Variants in ZNF721 observed in about 807,000 individuals in gnomAD.
ZNF721 encodes the protein zinc finger protein 721.
In ZNF721, 2 loss-of-function variants were observed where a neutral mutation model predicts 2.4. The observed-to-expected ratio is 0.82, with a 90% confidence interval of 0.34 to 2.58. The LOEUF is 2.58. Among genes scored for constraint, ZNF721 ranks in the 30% most tolerant of loss-of-function variants. ZNF721 has a pLI of 0.11. For synonymous variants in ZNF721, 398 were observed against 381.8 expected (o/e 1.04, Z -0.50); for missense variants, 1,187 against 1,085.5 (o/e 1.09, Z -1.31).
At position 443,100 on chromosome 4, in the gene ZNF721, T is replaced by A. The variant is rs545232833; in HGVS notation, c.1367A>T (p.His456Leu). The A allele has an allele frequency of 6.2e-7, 1 of 1,613,940 alleles. No individual in the cohort carries two copies. Among genetic ancestry groups the A allele is most frequent in the Admixed American group, 1.7e-5 (1 of 60,018 alleles). ...KCKECGKAFI[H>L]SLHLNKHEKI... ...CTCATGTTTATTCAGGTGCAAGGAA[T>A]GTATAAAGGCTTTCCCACATTCTTT... is the stretch of plus-strand genomic sequence containing the variant. The change falls in exon 3 of 3, where the codon CAT becomes CTT. Residue 456 changes from histidine (H) to leucine (L), a missense_variant. Physicochemically the swap from His to Leu is moderately conservative, Grantham distance 99. Transcript: ENST00000511833.
chr4:480,143 A>C (rs1715736398), intron 1 of ZNF721, among the ~76,000 whole-genome samples: 1 of 152,182 alleles, frequency 6.6e-6, no homozygotes, highest in Admixed American at 6.6e-5. Flanking sequence ...TTCATCACCA[A>C]TCACATTATG....
At position 499,153 on chromosome 4, in the gene ZNF721, C is replaced by T. The variant is rs920844518; in HGVS notation, c.-191G>A. 6.5e-6 allele frequency: 4 copies of T among 616,830 alleles called. No individual in the cohort carries two copies. In the South Asian group the frequency reaches 8.8e-5, roughly 14 times the overall value. The allele number at this position is 616,830 out of a possible 1,614,324, so 38.2% of individuals were successfully genotyped here. On this transcript the variant is annotated 5_prime_UTR_variant, in exon 1 of 3. Transcript: ENST00000511833. ...TTCGTATGTCCGAGGTGACGCCCCG[C>T]TGTGGCGGGCTGGCGGAAGTGACGC... is the stretch of plus-strand genomic sequence containing the variant.
intron 1 of ZNF721, among the ~76,000 whole-genome samples, chr4:494,424 G>C (rs551046311): frequency 1.3e-5 from 2 of 152,006 alleles, no homozygotes; most frequent in South Asian, 4.2e-4. Flanking sequence ...CCGACCTCGT[G>C]ATCCACCCAC....
intron 2 of ZNF721, among the ~76,000 whole-genome samples, chr4:472,075 T>A (rs1715453779): frequency 6.6e-6 from 1 of 152,238 alleles, no homozygotes. Context: ...TTTTTTGGTT[T>A]TTTTGAGACG....
intron 1 of ZNF721, among the ~76,000 whole-genome samples, chr4:482,099 T>C (rs782784511): frequency 6.6e-6 from 1 of 152,206 alleles, no homozygotes; most frequent in Non-Finnish European, 1.5e-5. Context: ...TGTGAGACAT[T>C]GTTGATGAAA....
At chr4:482,350 AGAG>A (rs1715792033) in intron 1 of ZNF721, among the ~76,000 whole-genome samples, 1 of 152,094 alleles carries the variant, frequency 6.6e-6, no homozygotes, top group South Asian at 2.1e-4. Context: ...TTTTTAGTAG[AGAG>A]GAGGTTTCTC....
At chr4:483,936 C>T (rs1223547377) in intron 1 of ZNF721, among the ~76,000 whole-genome samples, 3 of 152,106 alleles carry the variant, frequency 2.0e-5, no homozygotes, top group Non-Finnish European at 4.4e-5. Context: ...CTCAGCCTCC[C>T]GAGTAGCTGG....
chr4:449,946 T>C (rs1013819469), intron 2 of ZNF721, among the ~76,000 whole-genome samples: 54 of 152,162 alleles, frequency 3.5e-4, no homozygotes, highest in African/African-American at 8.4e-4. Context: ...GTCGGTAAAA[T>C]TGTAAGTTAG....
At chr4:490,953 C>CAAA (rs782176446) in intron 1 of ZNF721, among the ~76,000 whole-genome samples, 1 of 119,472 alleles carries the variant, frequency 8.4e-6, no homozygotes, top group Admixed American at 8.8e-5. Context: ...GACTACATCT[C>CAAA]AAAAAAAAAA....
At chr4:449,283 G>A (rs573345053) in intron 2 of ZNF721, among the ~76,000 whole-genome samples, 12 of 152,098 alleles carry the variant, frequency 7.9e-5, no homozygotes, top group Non-Finnish European at 1.3e-4. Context: ...TTCAAATCAC[G>A]AAAGTGTTTC....
chr4:497,928 G>T (rs1278051054), intron 1 of ZNF721, among the ~76,000 whole-genome samples: 1 of 146,704 alleles, frequency 6.8e-6, no homozygotes, highest in African/African-American at 2.5e-5. Context: ...AAAACAGGCC[G>T]GGCGCGGTGG....
chr4:454,216 G>C (rs1714765789), intron 2 of ZNF721: 1 of 152,238 alleles, frequency 6.6e-6, no homozygotes, highest in African/African-American at 2.4e-5. Flanking sequence ...ACAATGGACA[G>C]AGAGATACAC....
intron 2 of ZNF721, among the ~76,000 whole-genome samples, chr4:458,340 G>C (rs976507567): frequency 3.3e-5 from 5 of 152,148 alleles, no homozygotes; most frequent in African/African-American, 1.2e-4. Flanking sequence ...ACCTGGATCT[G>C]AAACACTTTA....
At chr4:452,912 C>T (rs1027032441) in intron 2 of ZNF721, among the ~76,000 whole-genome samples, 3 of 152,156 alleles carry the variant, frequency 2.0e-5, no homozygotes, top group Non-Finnish European at 4.4e-5. Flanking sequence ...AAATGGTATA[C>T]ACAAGATAGG....
intron 1 of ZNF721, among the ~76,000 whole-genome samples, chr4:487,739 G>A (rs1203560412): frequency 6.6e-6 from 1 of 152,178 alleles, no homozygotes; most frequent in Admixed American, 6.5e-5. Context: ...ATAGGGTCTG[G>A]AGACAGGGAA....
Position 442,781 on chromosome 4 carries a change from A to C in ZNF721, c.1686T>G (p.Cys562Trp), listed in dbSNP as rs782781896. The C allele has an allele frequency of 4.3e-6, 7 of 1,614,056 alleles. No homozygotes were observed. The highest frequency in any genetic ancestry group is 5.9e-6 in the Non-Finnish European group (7 of 1,179,984). ...TGEKPYTCEECGKTFRQSANL... is the reference protein window; with the variant it reads ...TGEKPYTCEEWGKTFRQSANL... ...TTGCGGACTGTCTAAAGGTTTTGCC[A>C]CATTCTTCACATGTGTAGGGTTTCT... Residue 562 changes from cysteine (C) to tryptophan (W), a missense_variant, in exon 3 of 3, where the codon TGT becomes TGG. Transcript: ENST00000511833.
chr4:483,577 C>T (rs1191079105), intron 1 of ZNF721, among the ~76,000 whole-genome samples: 4 of 151,372 alleles, frequency 2.6e-5, no homozygotes, highest in African/African-American at 9.7e-5. Context: ...AAAAAATTAG[C>T]TCTTAAGATT....
intron 2 of ZNF721, among the ~76,000 whole-genome samples, chr4:471,162 A>G (rs1408007550): frequency 1.3e-5 from 2 of 151,956 alleles, no homozygotes; most frequent in Non-Finnish European, 2.9e-5. Context: ...GTATGCTGTT[A>G]GTGAGATGTA....
chr4:477,362 C>G (rs1314098053), intron 1 of ZNF721, among the ~76,000 whole-genome samples: 1 of 149,028 alleles, frequency 6.7e-6, no homozygotes, highest in African/African-American at 2.5e-5. Flanking sequence ...CTCAGCCTCC[C>G]AAGTAGCTGG....
Sources: allele counts gnomAD v4.1 joint callset (sites outside exome capture counted in the v4.1 genomes callset), GRCh38; gene constraint gnomAD v4.1.1; transcripts MANE v1.5; gene names NCBI Gene and HGNC (gene_info 2026-07-23, HGNC 2026-07-21).